Variants in LRP5 observed in about 807,000 individuals in gnomAD.
The protein encoded by LRP5 is low-density lipoprotein receptor-related protein 5.
Under a neutral mutation model 154.1 loss-of-function variants are expected in LRP5, and 62 were observed. The observed-to-expected ratio is 0.40, with a 90% CI of 0.33 to 0.50. LRP5 has a LOEUF of 0.50. LRP5 is among the 20% of genes least tolerant of loss of function. LRP5 has a pLI of 0.55. For synonymous variants in LRP5, 966 were observed against 1,011.5 expected (o/e 0.96, Z 0.85); for missense variants, 1,915 against 2,336.7 (o/e 0.82, Z 3.72).
chr11:68,339,593 G>A (rs547988292), intron 1 of LRP5, among the ~76,000 whole-genome samples: 7 of 152,226 alleles, frequency 4.6e-5, no homozygotes, highest in South Asian at 4.2e-4. Context: ...TGATCCGCCC[G>A]CCTCAGCCTC....
In LRP5 at chr11:68,404,445, C is replaced by T. The variant is rs778586004; in HGVS notation, c.1801+746C>T. ...AGATGCCCGGGTTGACTCTGCTGCC[C>T]GTCGGGTGGATGTGATGTCAGATCC... On this transcript the variant is annotated intron_variant, in intron 8 of 22. Transcript: ENST00000294304. The T allele has an allele frequency of 6.2e-5, 31 of 498,762 alleles. No homozygotes were observed. The Middle Eastern group carries it at 9.0e-4, about 14-fold the overall frequency. 30.9% of individuals were successfully genotyped at this position (498,762 alleles called of 1,614,324 possible).
chr11:68,409,355 T>G (rs1398496905), intron 9 of LRP5, among the ~76,000 whole-genome samples: 1 of 146,232 alleles, frequency 6.8e-6, no homozygotes, highest in Non-Finnish European at 1.5e-5. Context: ...TAATGTATGA[T>G]ATATAATATA....
chr11:68,439,977 A>T (rs558991755), intron 21 of LRP5, 61 bp downstream of exon 21: 2 of 1,434,028 alleles, frequency 1.4e-6, no homozygotes, highest in African/African-American at 2.8e-5. Context: ...TCCCACCGTC[A>T]GTGCTGGCCA....
intron 9 of LRP5, among the ~76,000 whole-genome samples, chr11:68,409,175 T>G (rs1180802521): frequency 7.6e-6 from 1 of 131,636 alleles, no homozygotes; most frequent in Non-Finnish European, 1.6e-5. Flanking sequence ...AAATATATAT[T>G]TATAAATAAA....
chr11:68,410,229 G>T (rs993986091), intron 10 of LRP5, 89 bp downstream of exon 10: 2 of 1,071,270 alleles, frequency 1.9e-6, no homozygotes, highest in East Asian at 2.6e-5. Context: ...CAGGCTGTCC[G>T]TGTGGCCCTC....
At position 68,447,656 on chromosome 11, in the gene LRP5, T is replaced by C. The variant is rs1412469138; in HGVS notation, c.4586+1123T>C. Among the ~76,000 whole-genome samples the C allele has an allele frequency of 6.6e-6, 1 of 151,620 alleles. No individual in the cohort carries two copies. Among genetic ancestry groups the C allele is most frequent in the Non-Finnish European group, 1.5e-5 (1 of 67,890 alleles). Reference sequence around the variant, plus strand: ...CTCTGGGCCCACCGCGGACACATCTTCCCCCCGCCCGCCGTCTGACCTCAC... The same window carrying C: ...CTCTGGGCCCACCGCGGACACATCTCCCCCCCGCCCGCCGTCTGACCTCAC... On this transcript the variant is annotated intron_variant, in intron 22 of 22. Coordinates refer to ENST00000294304, the MANE Select transcript of LRP5 (RefSeq NM_002335.4). The surrounding 1 kb of genome is among the most constrained non-coding windows in gnomAD (Gnocchi z 4.3).
rs987479475 is a variant in LRP5, at chr11:68,433,582, C to A, written c.3764-20C>A. 1.9e-6 allele frequency: 3 copies of A among 1,600,910 alleles called. No homozygotes were observed. Among genetic ancestry groups the A allele is most frequent in the Non-Finnish European group, 1.7e-6 (2 of 1,168,954 alleles). On this transcript the variant is annotated intron_variant, in intron 17 of 22. Coordinates refer to ENST00000294304, the MANE Select transcript of LRP5 (RefSeq NM_002335.4). ...GCTGGGCGGGGCTGCGTGTGATGTT[C>A]TCCTCTGTCCCTCCCCCAGAGCCGC...
At chr11:68,362,324 G>A (rs2098628536) in intron 3 of LRP5, among the ~76,000 whole-genome samples, 2 of 152,202 alleles carry the variant, frequency 1.3e-5, no homozygotes, top group Non-Finnish European at 2.9e-5. Flanking sequence ...AAGTGCTTTG[G>A]AACTAGACAG....
intron 5 of LRP5, among the ~76,000 whole-genome samples, chr11:68,368,957 C>T (rs1475967018): frequency 6.6e-6 from 1 of 151,740 alleles, no homozygotes; most frequent in African/African-American, 2.4e-5. Flanking sequence ...CCTGCCTCAG[C>T]CTCCCAAGCA....
At chr11:68,426,805 G>A (rs771904994) in intron 16 of LRP5, among the ~76,000 whole-genome samples, 1 of 152,220 alleles carries the variant, frequency 6.6e-6, no homozygotes, top group Non-Finnish European at 1.5e-5. Context: ...AGGGTCTCAC[G>A]GGGCCAGAAT....
intron 7 of LRP5, among the ~76,000 whole-genome samples, chr11:68,395,353 G>A (rs539090355): frequency 1.3e-5 from 2 of 151,840 alleles, no homozygotes; most frequent in Admixed American, 1.3e-4. Flanking sequence ...GAAGTGGGGG[G>A]GCGTCACAGT....
chr11:68,375,483 T>TCGCCTGC (rs1398025201), intron 5 of LRP5, among the ~76,000 whole-genome samples: 2 of 152,246 alleles, frequency 1.3e-5, no homozygotes, highest in African/African-American at 4.8e-5. Context: ...GGAGCACCCT[T>TCGCCTGC]CCCCTGCCCC....
intron 12 of LRP5, 147 bp downstream of exon 12, chr11:68,414,159 C>G: frequency 1.3e-6 from 1 of 792,858 alleles, no homozygotes; most frequent in Non-Finnish European, 2.1e-6. Context: ...CTGCATGATG[C>G]TACCTGGGGG....
chr11:68,440,552 G>C lies in LRP5; in HGVS notation c.4488+636G>C, dbSNP rs1343708000. ...AGTCCCAGGATGCCAAGGCGAGCTT[G>C]GTGCCGAGATGTGAACTCCTGAGTG... On this transcript the variant is annotated intron_variant, in intron 21 of 22. Coordinates refer to ENST00000294304, the MANE Select transcript of LRP5 (RefSeq NM_002335.4). Among the ~76,000 whole-genome samples the C allele has an allele frequency of 2.0e-5, 3 of 152,312 alleles. No individual in the cohort carries two copies. The East Asian group carries it at 5.8e-4, about 29-fold the overall frequency.
chr11:68,353,759 A>T lies in LRP5; in HGVS notation c.489-3891A>T, dbSNP rs2098620714. On this transcript the variant is annotated intron_variant, in intron 2 of 22. Coordinates refer to ENST00000294304, the MANE Select transcript of LRP5 (RefSeq NM_002335.4). This position sits in a 1 kb window ranked among gnomAD's most constrained non-coding sequence, Gnocchi z 4.5. ...GGGGGTTCCTGCCCCGGCCATCATC[A>T]GGAAGGGGGTCTCTGGGTCCGAGCG... Among the ~76,000 whole-genome samples the T allele has an allele frequency of 1.3e-5, 2 of 152,154 alleles. No individual in the cohort carries two copies. Among genetic ancestry groups the T allele is most frequent in the South Asian group, 2.1e-4 (1 of 4,826 alleles).
chr11:68,347,962 C>T lies in LRP5; in HGVS notation c.207C>T (p.Asp69=). 1 of 1,614,152 alleles carries T rather than the reference C, an allele frequency of 6.2e-7. No individual in the cohort carries two copies. The highest frequency in any genetic ancestry group is 8.5e-7 in the Non-Finnish European group (1 of 1,180,042). ...GCCTGGAGGATGCGGCCGCAGTGGA[C>T]TTCCAGTTTTCCAAGGGAGCCGTGT... The part of the protein sequence containing the change: ...VSGLEDAAAV[D]FQFSKGAVYW... Residue 69 remains aspartate, a synonymous_variant, in exon 2 of 23, where the codon GAC becomes GAT. Transcript: ENST00000294304.
chr11:68,409,055 A>G (rs1433122627), intron 9 of LRP5, among the ~76,000 whole-genome samples: 306 of 6,608 alleles, frequency 0.046, 10 homozygotes, highest in East Asian at 0.41. Flanking sequence ...TCTGGGGAAA[A>G]AAAAAAAAAA....
At chr11:68,443,575 ATATATATATATTTTTTT>A (rs1485043390) in intron 21 of LRP5, among the ~76,000 whole-genome samples, 2 of 41,358 alleles carry the variant, frequency 4.8e-5, no homozygotes. Flanking sequence ...ATATATATAT[ATATATATATATTTTTTT>A]TTTTTTTGGT....
chr11:68,413,291 C>T lies in LRP5; in HGVS notation c.2504-398C>T. 1 of 362,454 alleles carries T rather than the reference C, an allele frequency of 2.8e-6. No individual in the cohort carries two copies. Among genetic ancestry groups the T allele is most frequent in the East Asian group, 4.8e-5 (1 of 20,740 alleles). The allele number at this position is 362,454 out of a possible 1,614,324, so 22.5% of individuals were successfully genotyped here. Reference sequence around the variant, plus strand: ...GGCGGCCATGTGCATTGCAGCCTGGCCGTCACTCCTCGGTACGTGTTTTGG... The same window carrying T: ...GGCGGCCATGTGCATTGCAGCCTGGTCGTCACTCCTCGGTACGTGTTTTGG... On this transcript the variant is annotated intron_variant, in intron 11 of 22. Transcript: ENST00000294304. This position sits in a 1 kb window ranked among gnomAD's most constrained non-coding sequence, Gnocchi z 5.1.
Sources: gnomAD v4.1 joint callset for allele counts (sites outside exome capture counted in the v4.1 genomes callset) on GRCh38, gnomAD v4.1.1 for gene constraint, Gnocchi (gnomAD v3.1) non-coding constraint, MANE v1.5 for transcripts, NCBI Gene and HGNC (gene_info 2026-07-23, HGNC 2026-07-21) for gene names.